CLINT1: variants seen among roughly 807,000 people sequenced by gnomAD.
CLINT1 encodes the protein clathrin interacting protein localized in the trans-Golgi region.
CLINT1 carries 15 observed loss-of-function variants against 70.4 expected under a neutral mutation model. The observed-to-expected ratio is 0.21, with a 90% CI of 0.14 to 0.33. The LOEUF (loss-of-function observed/expected upper bound fraction) is 0.33, where lower values mean the gene tolerates loss of function less well. Among genes scored for constraint, CLINT1 ranks in the 10% least tolerant of loss-of-function variants. CLINT1 has a pLI of 1.00. For synonymous variants in CLINT1, 227 were observed against 254.7 expected (o/e 0.89, Z 1.04); for missense variants, 615 against 778.1 (o/e 0.79, Z 2.49).
At chr5:157,822,310 A>T (rs1762902227) in intron 1 of CLINT1, among the ~76,000 whole-genome samples, 1 of 151,644 alleles carries the variant, frequency 6.6e-6, no homozygotes, top group Non-Finnish European at 1.5e-5. Context: ...TTAACTCGTC[A>T]TTTACATGAG....
intron 1 of CLINT1, among the ~76,000 whole-genome samples, chr5:157,848,403 T>G (rs573050344): frequency 1.3e-5 from 2 of 149,980 alleles, no homozygotes; most frequent in East Asian, 4.0e-4. Flanking sequence ...GACCTAAGAA[T>G]TATTATTTTT....
intron 1 of CLINT1, among the ~76,000 whole-genome samples, chr5:157,850,589 T>G (rs1393703056): frequency 8.7e-6 from 1 of 115,346 alleles, no homozygotes; most frequent in Non-Finnish European, 1.6e-5. Flanking sequence ...CGCTCCAGCC[T>G]GGGTACAAGT....
At chr5:157,845,514 A>G (rs1257042786) in intron 1 of CLINT1, among the ~76,000 whole-genome samples, 2 of 150,876 alleles carry the variant, frequency 1.3e-5, no homozygotes, top group Non-Finnish European at 3.0e-5. Flanking sequence ...CTTCACACCT[A>G]TTTAAGGTTT....
chr5:157,790,776 G>C, intron 10 of CLINT1: 1 of 346,216 alleles, frequency 2.9e-6, no homozygotes, highest in Non-Finnish European at 5.6e-6. Flanking sequence ...TGAATTCTAA[G>C]CTAGTACTAG....
chr5:157,835,643 A>G (rs1763394968), intron 1 of CLINT1, among the ~76,000 whole-genome samples: 2 of 152,152 alleles, frequency 1.3e-5, no homozygotes, highest in Non-Finnish European at 2.9e-5. Context: ...GGGAACAGAG[A>G]AGGGAGAGGT....
chr5:157,801,460 CTG>C (rs1762218517), intron 8 of CLINT1, among the ~76,000 whole-genome samples: 1 of 151,854 alleles, frequency 6.6e-6, no homozygotes, highest in South Asian at 2.1e-4. Context: ...TGAGTCAAGA[CTG>C]TGTACTGCAC....
At chr5:157,832,356 A>C (rs894090052) in intron 1 of CLINT1, among the ~76,000 whole-genome samples, 4 of 152,206 alleles carry the variant, frequency 2.6e-5, no homozygotes, top group South Asian at 2.1e-4. Flanking sequence ...GAAGTAAATA[A>C]AGGTAGTTTC....
intron 1 of CLINT1, among the ~76,000 whole-genome samples, chr5:157,841,981 T>C (rs986060990): frequency 2.6e-5 from 4 of 152,198 alleles, no homozygotes; most frequent in African/African-American, 9.6e-5. Flanking sequence ...ATTTCAGAGC[T>C]GAACTAGCCA....
chr5:157,854,594 G>C (rs914607826), intron 1 of CLINT1, among the ~76,000 whole-genome samples: 7 of 152,164 alleles, frequency 4.6e-5, no homozygotes, highest in African/African-American at 1.7e-4. Context: ...TGTATTGCCT[G>C]TTAAAATAAA....
chr5:157,854,271 G>A (rs1287268462), intron 1 of CLINT1, among the ~76,000 whole-genome samples: 1 of 152,188 alleles, frequency 6.6e-6, no homozygotes, highest in Non-Finnish European at 1.5e-5. Flanking sequence ...GGCAGGTATT[G>A]TATGTTTCGA....
At chr5:157,811,765 A>C (rs775307014) in intron 5 of CLINT1, among the ~76,000 whole-genome samples, 1 of 152,162 alleles carries the variant, frequency 6.6e-6, no homozygotes, top group Non-Finnish European at 1.5e-5. Flanking sequence ...TGCTGGCAAA[A>C]AGAAAGATAC....
At chr5:157,850,210 G>A (rs1581547848) in intron 1 of CLINT1, among the ~76,000 whole-genome samples, 1 of 152,134 alleles carries the variant, frequency 6.6e-6, no homozygotes, top group Admixed American at 6.5e-5. Context: ...AATCCCTCTC[G>A]CTGCTGAGTG....
chr5:157,796,560 C>T (rs1396799708), intron 8 of CLINT1, among the ~76,000 whole-genome samples: 2 of 152,136 alleles, frequency 1.3e-5, no homozygotes, highest in Non-Finnish European at 2.9e-5. Context: ...CTGCTTAGGC[C>T]GCAGTGCTTA....
chr5:157,795,444 C>A (rs1174180353), intron 8 of CLINT1: 1 of 155,128 alleles, frequency 6.4e-6, no homozygotes, highest in African/African-American at 2.4e-5. Context: ...CTGGGGAAAT[C>A]TGAATGTGGT....
intron 9 of CLINT1, among the ~76,000 whole-genome samples, chr5:157,792,580 C>T (rs1297247672): frequency 6.6e-6 from 1 of 152,012 alleles, no homozygotes; most frequent in Admixed American, 6.6e-5. Flanking sequence ...CTTATTTGGC[C>T]ATACTTCCAC....
chr5:157,834,081 C>A (rs558701695), intron 1 of CLINT1, among the ~76,000 whole-genome samples: 1 of 152,322 alleles, frequency 6.6e-6, no homozygotes, highest in East Asian at 1.9e-4. Context: ...GAGGCTCATA[C>A]CTGTAATCCT....
At chr5:157,834,180 A>G (rs1415883058) in intron 1 of CLINT1, among the ~76,000 whole-genome samples, 1 of 152,002 alleles carries the variant, frequency 6.6e-6, no homozygotes, top group East Asian at 2.0e-4. Flanking sequence ...CCTGGGCAAC[A>G]TGGTGAAACC....
chr5:157,813,369 T>C, intron 4 of CLINT1, 142 bp from the exon 5 acceptor site: 1 of 796,508 alleles, frequency 1.3e-6, no homozygotes, highest in East Asian at 2.8e-5. Flanking sequence ...CAAGTTGTGC[T>C]ATTTAACTTT....
intron 11 of CLINT1, 66 bp from the exon 12 acceptor site, chr5:157,788,058 C>T (rs1761783431): frequency 1.2e-5 from 14 of 1,196,222 alleles, no homozygotes; most frequent in Non-Finnish European, 1.7e-5. Flanking sequence ...GAACAGAGAA[C>T]TAATAACTTC....
Sources: allele counts gnomAD v4.1 joint callset (sites outside exome capture counted in the v4.1 genomes callset), GRCh38; gene constraint gnomAD v4.1.1; transcripts MANE v1.5; gene names NCBI Gene and HGNC (gene_info 2026-07-23, HGNC 2026-07-21).